IQCH: variants seen among roughly 807,000 people sequenced by gnomAD.
The protein encoded by IQCH is IQ domain-containing protein H.
A neutral mutation model predicts 117.0 loss-of-function variants in IQCH; 98 were observed. The ratio of observed to expected loss-of-function variants is 0.84; its 90% CI spans 0.71 to 0.99. IQCH has a LOEUF of 0.99. Among genes scored for constraint, IQCH ranks in the 50% least tolerant of loss-of-function variants. IQCH has a pLI of 0.00. For synonymous variants in IQCH, 412 were observed against 448.2 expected (o/e 0.92, Z 1.02); for missense variants, 1,102 against 1,243.8 (o/e 0.89, Z 1.72).
chr15:67,287,887 A>C (rs1483179288), intron 4 of IQCH, among the ~76,000 whole-genome samples: 1 of 151,940 alleles, frequency 6.6e-6, no homozygotes, highest in East Asian at 1.9e-4. Context: ...CTAGCTATAA[A>C]CTTCCCTCTT....
Position 67,395,683 on chromosome 15 carries a change from G to A in IQCH, c.1905+120G>A. On this transcript the variant is annotated intron_variant, in intron 13 of 20. Transcript: ENST00000335894. The surrounding 1 kb of genome is among the most constrained non-coding windows in gnomAD (Gnocchi z 4.0). ...AATGAAGAATAGGTGGAATATTTGAGTTGATTTGAGGGAATCTACTTTATT... is the reference window on the plus strand; with the variant it reads ...AATGAAGAATAGGTGGAATATTTGAATTGATTTGAGGGAATCTACTTTATT... 1 of 659,430 alleles carries A rather than the reference G, an allele frequency of 1.5e-6. No individual in the cohort carries two copies. Among genetic ancestry groups the A allele is most frequent in the Non-Finnish European group, 2.5e-6 (1 of 399,896 alleles). 40.8% of individuals were successfully genotyped at this position (659,430 alleles called of 1,614,324 possible). A position where few individuals can be genotyped will look rare whatever the true frequency, so the allele number is the denominator to read the frequency against.
rs1596321643 is a variant in IQCH at position 67,407,978 on chromosome 15, G to A, written c.2097+7673G>A. 6.6e-6 allele frequency: 1 copy of A among 152,342 alleles called. No homozygotes were observed. Among genetic ancestry groups the A allele is most frequent in the South Asian group, 2.1e-4 (1 of 4,830 alleles). 9.4% of individuals were successfully genotyped at this position (152,342 alleles called of 1,614,324 possible). ...GGTCTATTGTACAAGGCAGAGAAAA[G>A]GAGGTTTAAATGTTACTCCCACCAT... On this transcript the variant is annotated intron_variant, in intron 14 of 20. Coordinates refer to ENST00000335894, the MANE Select transcript of IQCH (RefSeq NM_001031715.3). This position sits in a 1 kb window ranked among gnomAD's most constrained non-coding sequence, Gnocchi z 5.3.
chr15:67,434,927 C>G (rs1284202834), intron 16 of IQCH, among the ~76,000 whole-genome samples: 1 of 151,212 alleles, frequency 6.6e-6, no homozygotes, highest in Non-Finnish European at 1.5e-5. Context: ...AAGCGCGTCA[C>G]CACGCCTGTA....
chr15:67,395,723 T>C lies in IQCH; in HGVS notation c.1905+160T>C, dbSNP rs1287073086. ...TCTACTTTATTTATTTATTTATTTA[T>C]TTATTTATTTATTTTTGAGATGGAG... On this transcript the variant is annotated intron_variant, in intron 13 of 20. Transcript: ENST00000335894. This position sits in a 1 kb window ranked among gnomAD's most constrained non-coding sequence, Gnocchi z 4.0. Among the ~76,000 whole-genome samples, 2 of 150,578 alleles carry C rather than the reference T, an allele frequency of 1.3e-5. No individual in the cohort carries two copies. Among genetic ancestry groups the C allele is most frequent in the East Asian group, 1.9e-4 (1 of 5,176 alleles).
intron 4 of IQCH, among the ~76,000 whole-genome samples, chr15:67,301,674 T>G (rs1009516178): frequency 1.3e-5 from 2 of 151,958 alleles, no homozygotes; most frequent in Non-Finnish European, 2.9e-5. Flanking sequence ...CCTCCCAAAG[T>G]GCTGGGATTA....
intron 16 of IQCH, among the ~76,000 whole-genome samples, chr15:67,442,417 A>G (rs189855779): frequency 1.3e-5 from 2 of 152,254 alleles, no homozygotes; most frequent in East Asian, 1.9e-4. Context: ...TCTAAAAAAA[A>G]AAAAGAAAAA....
intron 6 of IQCH, among the ~76,000 whole-genome samples, chr15:67,346,176 A>G (rs1969379745): frequency 2.6e-5 from 4 of 152,240 alleles, no homozygotes; most frequent in Admixed American, 2.0e-4. Flanking sequence ...TAAAAGGATC[A>G]ATCCAGCAAG....
rs554838374 is a variant in IQCH, at chr15:67,496,437, T to C, written c.2970+2071T>C. Reference sequence around the variant, plus strand: ...CCCACAGCTGACATCATAGTTAACATTGCAAGACCAAAAGCCTTCTCGCCA... The same window carrying C: ...CCCACAGCTGACATCATAGTTAACACTGCAAGACCAAAAGCCTTCTCGCCA... On this transcript the variant is annotated intron_variant, in intron 20 of 20. Coordinates refer to ENST00000335894, the MANE Select transcript of IQCH (RefSeq NM_001031715.3). This position sits in a 1 kb window ranked among gnomAD's most constrained non-coding sequence, Gnocchi z 4.4. Among the ~76,000 whole-genome samples the C allele has an allele frequency of 3.5e-4, 53 of 152,304 alleles. No individual in the cohort carries two copies. The highest frequency in any genetic ancestry group is 4.9e-4 in the Non-Finnish European group (33 of 68,012).
chr15:67,481,871 T>C lies in IQCH; in HGVS notation c.2799+6053T>C, dbSNP rs1333955071. On this transcript the variant is annotated intron_variant, in intron 18 of 20. Transcript: ENST00000335894. The surrounding 1 kb of genome is among the most constrained non-coding windows in gnomAD (Gnocchi z 4.1). ...CTGGATTAAAAGAGACTGTTGCTGC[T>C]TAAGACTTAAAACAACCCTTGGGCC... 1.3e-5 allele frequency among the ~76,000 whole-genome samples: 2 copies of C among 152,208 alleles called. No homozygotes were observed. The highest frequency in any genetic ancestry group is 4.8e-5 in the African/African-American group (2 of 41,460).
At chr15:67,279,136 C>G (rs1966245953) in intron 3 of IQCH, among the ~76,000 whole-genome samples, 1 of 152,118 alleles carries the variant, frequency 6.6e-6, no homozygotes, top group Admixed American at 6.5e-5. Flanking sequence ...AGTTGTTAAT[C>G]ATATAAACTC....
rs2082945733 is a variant in IQCH, at chr15:67,466,926, T to C, written c.2676+1629T>C. 1 of 152,606 alleles carries C rather than the reference T, an allele frequency of 6.6e-6. No individual in the cohort carries two copies. The highest frequency in any genetic ancestry group is 2.4e-5 in the African/African-American group (1 of 41,430). The allele number at this position is 152,606 out of a possible 1,614,324, so 9.5% of individuals were successfully genotyped here. A position where few individuals can be genotyped will look rare whatever the true frequency, so the allele number is the denominator to read the frequency against. ...CCAGTGAACCTAAGTCTATGCCATT[T>C]CTGCAAGAAGCTGGGGGTCAGGTGT... On this transcript the variant is annotated intron_variant, in intron 17 of 20. Coordinates refer to ENST00000335894, the MANE Select transcript of IQCH (RefSeq NM_001031715.3). The surrounding 1 kb of genome is among the most constrained non-coding windows in gnomAD (Gnocchi z 4.4).
At chr15:67,321,578 TCTCCCTTTCTTCCC>T (rs1968137596) in intron 4 of IQCH, among the ~76,000 whole-genome samples, 1 of 150,564 alleles carries the variant, frequency 6.6e-6, no homozygotes, top group Non-Finnish European at 1.5e-5. Flanking sequence ...CCTTTCTTCC[TCTCCCTTTCTTCCC>T]CTCTCTCTCT....
At chr15:67,255,568 T>C (rs1311049122) in intron 1 of IQCH, among the ~76,000 whole-genome samples, 2 of 152,248 alleles carry the variant, frequency 1.3e-5, no homozygotes, top group East Asian at 3.8e-4. Flanking sequence ...GAAATGATCA[T>C]GGCATTTTGT....
rs936821574 is a variant in IQCH, at chr15:67,459,057, G to T, written c.2506-6070G>T. 3.3e-5 allele frequency among the ~76,000 whole-genome samples: 5 copies of T among 152,222 alleles called. No individual in the cohort carries two copies. The highest frequency in any genetic ancestry group is 1.2e-4 in the African/African-American group (5 of 41,452). On this transcript the variant is annotated intron_variant, in intron 16 of 20. Transcript: ENST00000335894. The surrounding 1 kb of genome is among the most constrained non-coding windows in gnomAD (Gnocchi z 4.2). ...GGATTCACCCAGACTACTATCCCCA[G>T]TGAGTGATTAGTTAAGGAAAGTGTG... is the stretch of plus-strand genomic sequence containing the variant.
chr15:67,302,166 G>A (rs532761882), intron 4 of IQCH, among the ~76,000 whole-genome samples: 127 of 152,246 alleles, frequency 8.3e-4, no homozygotes, highest in Admixed American at 2.2e-3. Context: ...AAGCTTAGAC[G>A]TGATAGATGA....
intron 4 of IQCH, among the ~76,000 whole-genome samples, chr15:67,293,631 G>T (rs867633861): frequency 1.3e-5 from 2 of 151,258 alleles, no homozygotes; most frequent in African/African-American, 2.5e-5. Flanking sequence ...TTGAATTCAT[G>T]AATGCAGAAC....
rs2082925433 is a variant in IQCH at position 67,466,080 on chromosome 15, T to C, written c.2676+783T>C. 6.6e-6 allele frequency among the ~76,000 whole-genome samples: 1 copy of C among 152,228 alleles called. No individual in the cohort carries two copies. The highest frequency in any genetic ancestry group is 2.4e-5 in the African/African-American group (1 of 41,470). On this transcript the variant is annotated intron_variant, in intron 17 of 20. Coordinates refer to ENST00000335894, the MANE Select transcript of IQCH (RefSeq NM_001031715.3). This position sits in a 1 kb window ranked among gnomAD's most constrained non-coding sequence, Gnocchi z 4.4. ...CCAGCTTGGTTAAGGAGCCCCATCA[T>C]GTTCCACCTCTTCCCACAGCTGCCG...
intron 4 of IQCH, among the ~76,000 whole-genome samples, chr15:67,326,985 T>TTC (rs1314982745): frequency 3.3e-5 from 5 of 152,196 alleles, no homozygotes; most frequent in African/African-American, 1.2e-4. Flanking sequence ...TCAATATGAA[T>TTC]ATATTTACTT....
chr15:67,477,044 C>CTTTT (rs71455553), intron 18 of IQCH, among the ~76,000 whole-genome samples: 120 of 71,146 alleles, frequency 1.7e-3, no homozygotes, highest in East Asian at 4.4e-3. Flanking sequence ...TCTTTTTCTT[C>CTTTT]TTTTTTTTTT....
Sources: gnomAD v4.1 joint callset for allele counts (sites outside exome capture counted in the v4.1 genomes callset) on GRCh38, gnomAD v4.1.1 for gene constraint, Gnocchi (gnomAD v3.1) non-coding constraint, MANE v1.5 for transcripts, NCBI Gene and HGNC (gene_info 2026-07-23, HGNC 2026-07-21) for gene names.